TAFA5: variants seen among roughly 807,000 people sequenced by gnomAD.
TAFA5 encodes chemokine-like protein TAFA-5.
Under a neutral mutation model 15.3 loss-of-function variants are expected in TAFA5, and 6 were observed. The ratio of observed to expected loss-of-function variants is 0.39; its 90% confidence interval spans 0.21 to 0.77. TAFA5 has a LOEUF of 0.77. Ranked by LOEUF, TAFA5 falls within the 30% of genes least tolerant of loss-of-function variation. The probability of loss-of-function intolerance (pLI) is 0.41; values close to 1 mark genes in which losing one functional copy is unlikely to be tolerated. For missense variants in TAFA5, 161 were observed against 193.1 expected, an observed-to-expected ratio of 0.83 and a Z score of 0.98; for synonymous variants, 103 against 80.7, an observed-to-expected ratio of 1.28 and a Z score of -1.48.
chr22:48,605,278 G>T (rs1393113143), intron 1 of TAFA5, among the ~76,000 whole-genome samples: 2 of 145,308 alleles, frequency 1.4e-5, no homozygotes, highest in Non-Finnish European at 3.0e-5. Flanking sequence ...GGATGATGGT[G>T]ATGATGTTGT....
rs372377028 is a variant in TAFA5 at position 48,749,903 on chromosome 22, G to C, written c.*56G>C. On this transcript the variant is annotated 3_prime_UTR_variant, in exon 4 of 4. Transcript: ENST00000402357. ...GGCCTTGGCTCCCTGGAGAGCCCAC[G>C]TCTCAGCCACAGTTCTCCACTCGCC... 1 of 1,507,806 alleles carries C rather than the reference G, an allele frequency of 6.6e-7. No homozygotes were observed. The highest frequency in any genetic ancestry group is 1.4e-5 in the African/African-American group (1 of 72,190). 93.4% of individuals were successfully genotyped at this position (1,507,806 alleles called of 1,614,324 possible).
At chr22:48,662,359 T>C (rs1425524637) in intron 2 of TAFA5, among the ~76,000 whole-genome samples, 2 of 152,154 alleles carry the variant, frequency 1.3e-5, no homozygotes, top group Non-Finnish European at 2.9e-5. Flanking sequence ...ATCACTCTGA[T>C]GGCCTTCTAC....
At chr22:48,704,160 C>T (rs1245744201) in intron 2 of TAFA5, among the ~76,000 whole-genome samples, 1 of 151,158 alleles carries the variant, frequency 6.6e-6, no homozygotes, top group East Asian at 2.0e-4. Flanking sequence ...TCATGTCCTT[C>T]AGTGTTGGTG....
intron 1 of TAFA5, among the ~76,000 whole-genome samples, chr22:48,601,543 T>G (rs1338682551): frequency 6.6e-6 from 1 of 152,044 alleles, no homozygotes; most frequent in Admixed American, 6.6e-5. Context: ...GCCAGGCTGG[T>G]CTCAAACTCC....
chr22:48,731,639 A>T (rs1929871770), intron 3 of TAFA5, among the ~76,000 whole-genome samples: 1 of 152,214 alleles, frequency 6.6e-6, no homozygotes, highest in African/African-American at 2.4e-5. Flanking sequence ...CACGGCCTGG[A>T]TGGCAGCACA....
rs185920534 is a variant in TAFA5 at position 48,562,173 on chromosome 22, T to C, written c.112+72469T>C. Among the ~76,000 whole-genome samples the C allele has an allele frequency of 2.6e-3, 403 of 152,296 alleles. 2 individuals are homozygous for C. Among genetic ancestry groups the C allele is most frequent in the African/African-American group, 8.6e-3 (359 of 41,574 alleles). On this transcript the variant is annotated intron_variant, in intron 1 of 3. Transcript: ENST00000402357. ...TCTTTTTTGAGATGGAGTCTCGCTC[T>C]GTCGCCCAGGTTGGAGTGCAGTGGC...
chr22:48,622,774 T>C (rs12160850), intron 1 of TAFA5, among the ~76,000 whole-genome samples: 4 of 152,364 alleles, frequency 2.6e-5, no homozygotes, highest in African/African-American at 9.6e-5. Context: ...TGGCCGCCTC[T>C]GCCAGCAGAC....
chr22:48,491,752 C>T (rs991059893), intron 1 of TAFA5, among the ~76,000 whole-genome samples: 1 of 152,206 alleles, frequency 6.6e-6, no homozygotes, highest in Non-Finnish European at 1.5e-5. Context: ...CCTGCTCTGC[C>T]GAGTGGAGTC....
At chr22:48,643,082 T>A (rs115856540) in intron 1 of TAFA5, among the ~76,000 whole-genome samples, 509 of 152,328 alleles carry the variant, frequency 3.3e-3, no homozygotes, top group African/African-American at 0.012. Context: ...CCTTTGCATC[T>A]GCTGCAGGCT....
chr22:48,524,063 G>C (rs1351392656), intron 1 of TAFA5, among the ~76,000 whole-genome samples: 1 of 152,252 alleles, frequency 6.6e-6, no homozygotes. Flanking sequence ...GCATGATGCG[G>C]TCCCCCATTT....
chr22:48,715,281 A>G (rs975969571), intron 3 of TAFA5, among the ~76,000 whole-genome samples: 8 of 152,216 alleles, frequency 5.3e-5, no homozygotes, highest in Admixed American at 3.3e-4. Flanking sequence ...GTGGAAAGCA[A>G]AGGTCACTCT....
intron 1 of TAFA5, among the ~76,000 whole-genome samples, chr22:48,499,279 G>A (rs745753256): frequency 9.2e-5 from 14 of 152,302 alleles, no homozygotes; most frequent in South Asian, 2.1e-4. Context: ...CCGCACCGAC[G>A]GCGGCGCCCA....
intron 1 of TAFA5, among the ~76,000 whole-genome samples, chr22:48,593,127 G>A (rs1488015043): frequency 6.6e-6 from 1 of 152,194 alleles, no homozygotes; most frequent in African/African-American, 2.4e-5. Context: ...CCAAAGTCAC[G>A]TCCGCGAACA....
At chr22:48,548,635 A>G (rs1922758758) in intron 1 of TAFA5, among the ~76,000 whole-genome samples, 1 of 152,166 alleles carries the variant, frequency 6.6e-6, no homozygotes, top group Non-Finnish European at 1.5e-5. Context: ...GGTTGGGTTC[A>G]GGGCTGCATT....
At chr22:48,623,985 C>G (rs1029502885) in intron 1 of TAFA5, among the ~76,000 whole-genome samples, 23 of 152,092 alleles carry the variant, frequency 1.5e-4, no homozygotes, top group African/African-American at 5.3e-4. Flanking sequence ...TTATGGTATC[C>G]AGAATTCCTT....
intron 1 of TAFA5, among the ~76,000 whole-genome samples, chr22:48,533,625 A>G (rs1452375017): frequency 6.6e-6 from 1 of 152,192 alleles, no homozygotes; most frequent in Non-Finnish European, 1.5e-5. Flanking sequence ...ATGGCTGTAG[A>G]AAGATCTGGA....
intron 2 of TAFA5, among the ~76,000 whole-genome samples, chr22:48,674,149 G>A (rs1927893632): frequency 6.6e-6 from 1 of 152,162 alleles, no homozygotes; most frequent in Admixed American, 6.5e-5. Flanking sequence ...CCTCCTGCTT[G>A]GGCCGGGCGG....
At chr22:48,630,981 G>A (rs545505723) in intron 1 of TAFA5, among the ~76,000 whole-genome samples, 12 of 152,308 alleles carry the variant, frequency 7.9e-5, no homozygotes, top group African/African-American at 1.7e-4. Flanking sequence ...AGGGGAACTC[G>A]GCGTGTCCTG....
chr22:48,711,671 G>A (rs1222429376), intron 3 of TAFA5, among the ~76,000 whole-genome samples: 2 of 152,350 alleles, frequency 1.3e-5, no homozygotes, highest in East Asian at 3.9e-4. Context: ...TCTGCGAGAT[G>A]ATGGCGTTCT....
Sources: gnomAD v4.1 joint callset for allele counts (sites outside exome capture counted in the v4.1 genomes callset) on GRCh38, gnomAD v4.1.1 for gene constraint, MANE v1.5 for transcripts, NCBI Gene and HGNC (gene_info 2026-07-23, HGNC 2026-07-21) for gene names.